Variants in MRPS27 observed in about 807,000 individuals in gnomAD.
MRPS27 encodes the protein small ribosomal subunit protein mS27.
A neutral mutation model predicts 48.9 loss-of-function variants in MRPS27; 43 were observed. The observed-to-expected ratio is 0.88, with a 90% confidence interval of 0.69 to 1.13. The LOEUF (loss-of-function observed/expected upper bound fraction) is 1.13. Among genes scored for constraint, MRPS27 ranks in the 50% most tolerant of loss-of-function variants. The probability of loss-of-function intolerance (pLI) is 0.00; values close to 1 mark genes in which losing one functional copy is unlikely to be tolerated. For missense variants in MRPS27, 467 were observed against 476.3 expected, an observed-to-expected ratio of 0.98 and a Z score of 0.18; for synonymous variants, 188 against 171.9, an observed-to-expected ratio of 1.09 and a Z score of -0.73.
intron 2 of MRPS27, among the ~76,000 whole-genome samples, chr5:72,305,562 C>T (rs1248517247): frequency 6.6e-6 from 1 of 152,218 alleles, no homozygotes; most frequent in East Asian, 1.9e-4. Context: ...GAGAAACCAA[C>T]ACAAACAAGC....
At chr5:72,303,555 A>C (rs1358048636) in intron 2 of MRPS27, among the ~76,000 whole-genome samples, 2 of 152,176 alleles carry the variant, frequency 1.3e-5, no homozygotes, top group Non-Finnish European at 2.9e-5. Context: ...AAGTAAAATT[A>C]TTATTTCAAA....
intron 4 of MRPS27, among the ~76,000 whole-genome samples, chr5:72,293,848 TA>T (rs1353709881): frequency 3.3e-5 from 5 of 152,118 alleles, no homozygotes; most frequent in Non-Finnish European, 5.9e-5. Context: ...TTGCTATAAA[TA>T]AAAATATGAG....
chr5:72,241,824 C>G, intron 4 of MRPS27: 1 of 746,758 alleles, frequency 1.3e-6, no homozygotes, highest in South Asian at 1.7e-5. Flanking sequence ...CTGTAGGAGT[C>G]CCCTCTGTGC....
At chr5:72,292,930 G>A (rs1282969731) in intron 4 of MRPS27, among the ~76,000 whole-genome samples, 1 of 152,018 alleles carries the variant, frequency 6.6e-6, no homozygotes, top group Non-Finnish European at 1.5e-5. Flanking sequence ...CCTCACCTTA[G>A]ACCTGGAATT....
At chr5:72,252,736 C>A (rs994178993) in intron 4 of MRPS27, among the ~76,000 whole-genome samples, 5 of 152,144 alleles carry the variant, frequency 3.3e-5, no homozygotes, top group African/African-American at 1.2e-4. Flanking sequence ...GCAGGAAATT[C>A]ATATTATGAG....
chr5:72,262,881 C>T (rs1162874525), intron 4 of MRPS27, among the ~76,000 whole-genome samples: 2 of 152,060 alleles, frequency 1.3e-5, no homozygotes, highest in African/African-American at 4.8e-5. Flanking sequence ...AACGATCTTC[C>T]CGCCTTGGCC....
At chr5:72,296,865 C>T (rs1361780389) in intron 3 of MRPS27, among the ~76,000 whole-genome samples, 1 of 152,040 alleles carries the variant, frequency 6.6e-6, no homozygotes, top group Non-Finnish European at 1.5e-5. Context: ...CCCATTATTC[C>T]CTGGGAGGAA....
At chr5:72,252,870 G>A (rs956809747) in intron 4 of MRPS27, among the ~76,000 whole-genome samples, 15 of 152,140 alleles carry the variant, frequency 9.9e-5, no homozygotes, top group African/African-American at 3.4e-4. Flanking sequence ...TCCTTGGACA[G>A]TCAGAGTACC....
chr5:72,220,800 A>T lies in MRPS27; in HGVS notation c.*109T>A. 6.7e-7 allele frequency: 1 copy of T among 1,483,568 alleles called. No individual in the cohort carries two copies. Among genetic ancestry groups the T allele is most frequent in the African/African-American group, 1.4e-5 (1 of 71,264 alleles). 91.9% of individuals were successfully genotyped at this position (1,483,568 alleles called of 1,614,324 possible). On this transcript the variant is annotated 3_prime_UTR_variant, in exon 11 of 11. Transcript: ENST00000261413. The stretch of plus-strand genomic sequence containing the variant: ...TGTAGGGCACATAGCCTGCTTTAAG[A>T]AAAGAAGATGGGTAGAGGAAGCTGA...
chr5:72,302,711 T>G (rs1377870433), intron 2 of MRPS27, among the ~76,000 whole-genome samples: 1 of 152,244 alleles, frequency 6.6e-6, no homozygotes, highest in Non-Finnish European at 1.5e-5. Flanking sequence ...GCAGTCCTTT[T>G]GAGAGCATGT....
intron 8 of MRPS27, chr5:72,227,338 T>A (rs1747928210): frequency 6.6e-6 from 1 of 151,972 alleles, no homozygotes; most frequent in Admixed American, 6.6e-5. Flanking sequence ...AAGGAAAAAA[T>A]TATTTTTAAA....
chr5:72,265,824 G>A (rs759289775), intron 4 of MRPS27, among the ~76,000 whole-genome samples: 3 of 152,204 alleles, frequency 2.0e-5, no homozygotes, highest in Non-Finnish European at 2.9e-5. Flanking sequence ...TGAAAAAGAA[G>A]CCTGGCTCTG....
At chr5:72,284,921 C>T (rs1433202225) in intron 4 of MRPS27, among the ~76,000 whole-genome samples, 1 of 152,128 alleles carries the variant, frequency 6.6e-6, no homozygotes, top group African/African-American at 2.4e-5. Context: ...TAATCTTTTA[C>T]TTTTTGCAAT....
intron 4 of MRPS27, among the ~76,000 whole-genome samples, chr5:72,258,442 G>A (rs1016975192): frequency 1.1e-4 from 16 of 152,100 alleles, no homozygotes; most frequent in Non-Finnish European, 1.8e-4. Context: ...AGAAATATAG[G>A]CACTATGGTT....
At chr5:72,240,693 T>C (rs534440625) in intron 4 of MRPS27, among the ~76,000 whole-genome samples, 1 of 152,336 alleles carries the variant, frequency 6.6e-6, no homozygotes, top group African/African-American at 2.4e-5. Flanking sequence ...GAGAGCCTAG[T>C]TTCAGACCTT....
At chr5:72,309,368 C>T (rs1464734972) in intron 2 of MRPS27, among the ~76,000 whole-genome samples, 1 of 151,734 alleles carries the variant, frequency 6.6e-6, no homozygotes, top group Non-Finnish European at 1.5e-5. Flanking sequence ...CGGGTTCGAG[C>T]GATTCTCCTG....
At chr5:72,296,916 G>T (rs1344280764) in intron 3 of MRPS27, among the ~76,000 whole-genome samples, 1 of 152,064 alleles carries the variant, frequency 6.6e-6, no homozygotes, top group East Asian at 1.9e-4. Flanking sequence ...AAATTGAGAG[G>T]GATCTCATTG....
intron 6 of MRPS27, among the ~76,000 whole-genome samples, chr5:72,233,825 A>G (rs1748123128): frequency 6.6e-6 from 1 of 152,172 alleles, no homozygotes; most frequent in African/African-American, 2.4e-5. Context: ...AATTTACTTT[A>G]TCCTTTATTT....
chr5:72,234,016 G>A, intron 6 of MRPS27, 103 bp downstream of exon 6: 1 of 1,232,902 alleles, frequency 8.1e-7, no homozygotes, highest in South Asian at 2.1e-5. Context: ...GAGTAATGAA[G>A]AGATGTTATT....
Sources: allele counts gnomAD v4.1 joint callset (sites outside exome capture counted in the v4.1 genomes callset), GRCh38; gene constraint gnomAD v4.1.1; transcripts MANE v1.5; gene names NCBI Gene and HGNC (gene_info 2026-07-23, HGNC 2026-07-21).